The following FAM83G variants were observed in gnomAD, a reference collection of about 807,000 sequenced individuals.
FAM83G encodes protein FAM83G.
A neutral mutation model predicts 61.5 loss-of-function variants in FAM83G; 38 were observed. That is an observed-to-expected ratio of 0.62 (90% CI 0.48 to 0.81). The LOEUF is 0.81. Ranked by LOEUF, FAM83G falls within the 30% of genes least tolerant of loss-of-function variation. FAM83G has a pLI of 0.00. For synonymous variants in FAM83G, 470 were observed against 476.1 expected (o/e 0.99, Z 0.17); for missense variants, 989 against 1,133.6 (o/e 0.87, Z 1.83).
rs2043029063 is a variant in FAM83G at position 18,978,077 on chromosome 17, G to A, written c.1589C>T (p.Pro530Leu). Reference protein sequence around the residue: ...SSDIGWVLELPKEEAPQNGTD... With the variant: ...SSDIGWVLELLKEEAPQNGTD... ...CCCATTCTGGGGAGCTTCCTCTTTGGGGAGCTCCAGGACCCAGCCAATATC... is the reference window on the plus strand; with the variant it reads ...CCCATTCTGGGGAGCTTCCTCTTTGAGGAGCTCCAGGACCCAGCCAATATC... The change falls in exon 5 of 6, where the codon CCC becomes CTC. Residue 530 changes from proline to leucine, a missense_variant. Pro to Leu is a moderately conservative substitution (Grantham distance 98). This residue lies in a region of FAM83G where 574 missense variants were observed against 645.1 expected (regional missense o/e 0.89). Coordinates refer to ENST00000388995, the MANE Select transcript of FAM83G (RefSeq NM_001039999.3). 1.3e-6 allele frequency: 2 copies of A among 1,516,108 alleles called. No homozygotes were observed. The highest frequency in any genetic ancestry group is 2.2e-5 in the Admixed American group (1 of 44,912). 93.9% of individuals were successfully genotyped at this position (1,516,108 alleles called of 1,614,324 possible).
intron 3 of FAM83G, among the ~76,000 whole-genome samples, chr17:18,984,118 G>A (rs1015654378): frequency 2.6e-5 from 4 of 151,976 alleles, no homozygotes; most frequent in African/African-American, 7.3e-5. Context: ...CGAGGCGGGC[G>A]GATCACGAGG....
In FAM83G at chr17:18,978,167, G is replaced by A; in HGVS notation, c.1499C>T (p.Pro500Leu). 6.5e-7 allele frequency: 1 copy of A among 1,534,240 alleles called. No individual in the cohort carries two copies. Among genetic ancestry groups the A allele is most frequent in the Non-Finnish European group, 8.7e-7 (1 of 1,143,894 alleles). ...ENGLPQGDPE[P>L]LPPVPKPRTV... ...CCGGGGCTTGGGCACGGGGGGCAAT[G>A]GCTCAGGGTCCCCCTGGGGGAGGCC... is the stretch of plus-strand genomic sequence containing the variant. Residue 500 changes from proline (P) to leucine (L), a missense_variant, in exon 5 of 6, where the codon CCA becomes CTA. Pro to Leu is a moderately conservative substitution (Grantham distance 98). Coordinates refer to ENST00000388995, the MANE Select transcript of FAM83G (RefSeq NM_001039999.3).
rs2043016054 is a variant in FAM83G at position 18,977,735 on chromosome 17, G to C, written c.1931C>G (p.Pro644Arg). The C allele has an allele frequency of 1.2e-6, 2 of 1,607,742 alleles. No homozygotes were observed. The highest frequency in any genetic ancestry group is 2.7e-5 in the African/African-American group (2 of 74,848). ...SEQVANGPTPPPRRQLSAPHI... is the reference protein window; with the variant it reads ...SEQVANGPTPRPRRQLSAPHI... ...GGGGGCACTCAGCTGCCGGCGCGGT[G>C]GTGGGGTTGGCCCGTTGGCCACTTG... The change falls in exon 5 of 6, where the codon CCA becomes CGA. Residue 644 changes from proline to arginine, a missense_variant. By Grantham distance (103) the Pro-to-Arg change is moderately radical. Coordinates refer to ENST00000388995, the MANE Select transcript of FAM83G (RefSeq NM_001039999.3).
Position 19,004,177 on chromosome 17 carries a change from A to G in FAM83G, c.-128-8T>C. 2 of 853,136 alleles carry G rather than the reference A, an allele frequency of 2.3e-6. No homozygotes were observed. Among genetic ancestry groups the G allele is most frequent in the Non-Finnish European group, 3.5e-6 (2 of 578,848 alleles). The allele number at this position is 853,136 out of a possible 1,614,324, so 52.8% of individuals were successfully genotyped here. A position where few individuals can be genotyped will look rare whatever the true frequency, so the allele number is the denominator to read the frequency against. The stretch of plus-strand genomic sequence containing the variant: ...TCTCTGCCCATGAGCAATCTGCGGG[A>G]AAGACCTGATGAGCCCGGCTCGGCG... On this transcript the variant is annotated splice_region_variant and splice_polypyrimidine_tract_variant and intron_variant, in intron 1 of 5. Transcript: ENST00000388995. The surrounding 1 kb of genome is among the most constrained non-coding windows in gnomAD (Gnocchi z 5.4).
At chr17:18,994,132 G>T (rs1208613818) in intron 2 of FAM83G, among the ~76,000 whole-genome samples, 1 of 152,212 alleles carries the variant, frequency 6.6e-6, no homozygotes, top group Admixed American at 6.5e-5. Context: ...TGGCCATCAT[G>T]ACCTTGGATT....
intron 3 of FAM83G, among the ~76,000 whole-genome samples, chr17:18,987,681 AAG>A (rs2043306166): frequency 6.6e-6 from 1 of 152,116 alleles, no homozygotes; most frequent in Non-Finnish European, 1.5e-5. Flanking sequence ...CCCCACCCCA[AAG>A]GTTCTTTCTC....
chr17:18,990,623 G>C (rs2043394113), intron 2 of FAM83G, among the ~76,000 whole-genome samples: 1 of 152,232 alleles, frequency 6.6e-6, no homozygotes, highest in African/African-American at 2.4e-5. Flanking sequence ...AGCCAGGCAG[G>C]GTGCCTGATC....
At chr17:18,977,051 C>T (rs1180654049) in intron 5 of FAM83G, 2 of 1,592,402 alleles carry the variant, frequency 1.3e-6, no homozygotes, top group East Asian at 4.5e-5. Flanking sequence ...GGGACCTTGT[C>T]CTGCAAACGT....
Position 18,971,298 on chromosome 17 carries a change from C to G in FAM83G, c.*61G>C. On this transcript the variant is annotated 3_prime_UTR_variant, in exon 6 of 6. Coordinates refer to ENST00000388995, the MANE Select transcript of FAM83G (RefSeq NM_001039999.3). The surrounding 1 kb of genome is among the most constrained non-coding windows in gnomAD (Gnocchi z 5.5). ...GGTAGGCCCAGGCGGCCTGTCTGCC[C>G]TCCGCGTCATGAGTCTGGGCTGGGG... 1 of 1,608,782 alleles carries G rather than the reference C, an allele frequency of 6.2e-7. No homozygotes were observed. Among genetic ancestry groups the G allele is most frequent in the East Asian group, 2.2e-5 (1 of 44,776 alleles).
chr17:18,969,353 G>A lies in FAM83G; in HGVS notation c.*2006C>T, dbSNP rs1474157531. 2.5e-6 allele frequency: 4 copies of A among 1,613,382 alleles called. No homozygotes were observed. The highest frequency in any genetic ancestry group is 3.4e-6 in the Non-Finnish European group (4 of 1,179,970). Reference sequence around the variant, plus strand: ...GCTTCCACTGGCAGGGGGCCTGGCTGCTGTAATCTACACGGACGCCCTGCA... The same window carrying A: ...GCTTCCACTGGCAGGGGGCCTGGCTACTGTAATCTACACGGACGCCCTGCA... On this transcript the variant is annotated 3_prime_UTR_variant, in exon 6 of 6. Coordinates refer to ENST00000388995, the MANE Select transcript of FAM83G (RefSeq NM_001039999.3).
rs771789578 is a variant in FAM83G at position 18,971,482 on chromosome 17, G to A, written c.2349C>T (p.Phe783=). ...GAGACAGTTTGGAGTATGGGATTCC[G>A]AAGGGACTCGGATGCTCCTCGGTGG... The part of the protein sequence containing the change: ...GRATEEHPSP[F]GIPYSKLSQS... Residue 783 remains phenylalanine, a synonymous_variant, in exon 6 of 6, where the codon TTC becomes TTT. Coordinates refer to ENST00000388995, the MANE Select transcript of FAM83G (RefSeq NM_001039999.3). The surrounding 1 kb of genome is among the most constrained non-coding windows in gnomAD (Gnocchi z 5.5). 19 of 1,613,916 alleles carry A rather than the reference G, an allele frequency of 1.2e-5. No individual in the cohort carries two copies. Among genetic ancestry groups the A allele is most frequent in the East Asian group, 4.5e-5 (2 of 44,896 alleles).
chr17:18,983,884 TC>T (rs1236499570), intron 3 of FAM83G, among the ~76,000 whole-genome samples: 2 of 152,206 alleles, frequency 1.3e-5, no homozygotes, highest in Non-Finnish European at 1.5e-5. Context: ...CCAAGGCTGC[TC>T]AGCCTCTGCA....
intron 5 of FAM83G, among the ~76,000 whole-genome samples, chr17:18,973,471 T>C (rs1014166506): frequency 6.6e-6 from 1 of 152,212 alleles, no homozygotes; most frequent in Non-Finnish European, 1.5e-5. Context: ...CCCCATCCTC[T>C]ACCCCTTGGG....
upstream of FAM83G, among the ~76,000 whole-genome samples, chr17:19,005,996 G>A (rs1213587377): frequency 6.6e-6 from 1 of 152,168 alleles, no homozygotes; most frequent in East Asian, 1.9e-4. Context: ...TCTCTGAGCC[G>A]CCTCAGCTTC....
At position 18,971,036 on chromosome 17, in the gene FAM83G, G is replaced by A. The variant is rs768370920; in HGVS notation, c.*323C>T. 13 of 1,613,886 alleles carry A rather than the reference G, an allele frequency of 8.1e-6. No individual in the cohort carries two copies. The highest frequency in any genetic ancestry group is 6.7e-5 in the Admixed American group (4 of 60,018). ...AGCTTTTGACCAGATCGGTGGTTAC[G>A]GGCAGCTGGAGGCAGCCTACGCCCA... On this transcript the variant is annotated 3_prime_UTR_variant, in exon 6 of 6. Coordinates refer to ENST00000388995, the MANE Select transcript of FAM83G (RefSeq NM_001039999.3). The surrounding 1 kb of genome is among the most constrained non-coding windows in gnomAD (Gnocchi z 5.5).
At chr17:18,984,326 C>A (rs2043212201) in intron 3 of FAM83G, among the ~76,000 whole-genome samples, 1 of 144,088 alleles carries the variant, frequency 6.9e-6, no homozygotes, top group Non-Finnish European at 1.5e-5. Flanking sequence ...GAGCAAGACT[C>A]CCTCTCAAAA....
At chr17:18,993,947 A>G (rs528874177) in intron 2 of FAM83G, among the ~76,000 whole-genome samples, 106 of 152,346 alleles carry the variant, frequency 7.0e-4, no homozygotes, top group South Asian at 4.4e-3. Context: ...CGGCAGCTGC[A>G]CGGACCCTCC....
intron 5 of FAM83G, chr17:18,976,951 T>C: frequency 1.2e-6 from 2 of 1,613,236 alleles, no homozygotes; most frequent in African/African-American, 1.3e-5. Context: ...ATGGGCCTGA[T>C]CATCATGCCG....
Position 18,978,268 on chromosome 17 carries a change from C to T in FAM83G, c.1398G>A (p.Gln466=), listed in dbSNP as rs2043037200. The T allele has an allele frequency of 6.2e-7, 1 of 1,609,054 alleles. No individual in the cohort carries two copies. The highest frequency in any genetic ancestry group is 2.2e-5 in the East Asian group (1 of 44,822). ...SAQHQLWKQS[Q]DSRPRPEPCP... ...AAGGCTCTGGACGGGGCCTGCTGTC[C>T]TGGCTCTGCTTCCACAGCTGGTGCT... is the stretch of plus-strand genomic sequence containing the variant. Residue 466 remains glutamine (Q), a synonymous_variant, in exon 5 of 6, where the codon CAG becomes CAA. Transcript: ENST00000388995.
Sources: allele counts gnomAD v4.1 joint callset (sites outside exome capture counted in the v4.1 genomes callset), GRCh38; gene constraint gnomAD v4.1.1; regional missense constraint gnomAD v4.1.1; non-coding constraint Gnocchi (gnomAD v3.1); transcripts MANE v1.5; gene names NCBI Gene and HGNC (gene_info 2026-07-23, HGNC 2026-07-21).